GRIA1: variants seen among roughly 807,000 people sequenced by gnomAD.
GRIA1 encodes the protein glutamate receptor 1.
In GRIA1, 31 loss-of-function variants were observed where a neutral mutation model predicts 99.2. That is an observed-to-expected ratio of 0.31 (90% CI 0.23 to 0.42). GRIA1 has a LOEUF of 0.42. GRIA1 is among the 10% of genes least tolerant of loss of function. GRIA1 has a pLI of 1.00. For missense variants in GRIA1, 782 were observed against 1,157.5 expected (o/e 0.68, Z 4.71); for synonymous variants, 438 against 432.4 (o/e 1.01, Z -0.16).
intron 2 of GRIA1, among the ~76,000 whole-genome samples, chr5:153,630,281 A>G (rs1376753164): frequency 6.6e-6 from 1 of 151,972 alleles, no homozygotes; most frequent in Non-Finnish European, 1.5e-5. Flanking sequence ...CATCATCATC[A>G]TTTGTTGCCA....
intron 2 of GRIA1, among the ~76,000 whole-genome samples, chr5:153,559,223 A>T (rs1354075756): frequency 6.6e-6 from 1 of 152,166 alleles, no homozygotes; most frequent in Non-Finnish European, 1.5e-5. Context: ...AGCATCATTC[A>T]GACCTTCCCT....
chr5:153,727,683 C>T (rs369963947), intron 11 of GRIA1, among the ~76,000 whole-genome samples: 116 of 152,008 alleles, frequency 7.6e-4, no homozygotes, highest in Middle Eastern at 6.8e-3. Flanking sequence ...TTACAAGGGA[C>T]GTGAAGGACC....
chr5:153,737,698 G>A (rs1165516447), intron 11 of GRIA1, among the ~76,000 whole-genome samples: 1 of 152,104 alleles, frequency 6.6e-6, no homozygotes, highest in Non-Finnish European at 1.5e-5. Flanking sequence ...CGTATTTTCA[G>A]AATACAGTCA....
chr5:153,805,637 C>T (rs927184297), intron 15 of GRIA1, among the ~76,000 whole-genome samples: 1 of 152,158 alleles, frequency 6.6e-6, no homozygotes, highest in Non-Finnish European at 1.5e-5. Flanking sequence ...ATAACCAGTG[C>T]CAGGTGGTGG....
intron 2 of GRIA1, among the ~76,000 whole-genome samples, chr5:153,518,550 A>G (rs1484773656): frequency 6.6e-6 from 1 of 152,170 alleles, no homozygotes; most frequent in Non-Finnish European, 1.5e-5. Flanking sequence ...GGAAACTGAG[A>G]AGTCAGTAGT....
intron 10 of GRIA1, among the ~76,000 whole-genome samples, chr5:153,700,278 G>A (rs1581495518): frequency 6.6e-6 from 1 of 152,152 alleles, no homozygotes; most frequent in Non-Finnish European, 1.5e-5. Flanking sequence ...CCAGCTCCTT[G>A]GGAGGCTGAG....
chr5:153,711,408 G>A (rs1273253440), intron 11 of GRIA1, among the ~76,000 whole-genome samples: 1 of 152,170 alleles, frequency 6.6e-6, no homozygotes, highest in African/African-American at 2.4e-5. Context: ...AGAATTGACA[G>A]GACTTGCTGA....
At chr5:153,656,383 T>TTTTATATATATATATATA (rs769901040) in intron 5 of GRIA1, among the ~76,000 whole-genome samples, 1 of 92,680 alleles carries the variant, frequency 1.1e-5, no homozygotes, top group African/African-American at 4.2e-5. Flanking sequence ...ATAAGTTTGT[T>TTTTATATATATATATATA]TATATATATA....
chr5:153,677,021 G>C lies in GRIA1; in HGVS notation c.889G>C (p.Val297Leu). The stretch of plus-strand genomic sequence containing the variant: ...CACCTCTGCGCTCACCTACGATGGG[G>C]TGAAGGTGATGGCTGAGGCTTTCCA... ...KYTSALTYDG[V>L]KVMAEAFQSL... Residue 297 changes from valine to leucine, a missense_variant, in exon 7 of 16, where the codon GTG (valine) becomes CTG (leucine). Transcript: ENST00000285900. The C allele has an allele frequency of 6.5e-7, 1 of 1,548,668 alleles. No individual in the cohort carries two copies. The highest frequency in any genetic ancestry group is 8.8e-7 in the Non-Finnish European group (1 of 1,141,826).
At chr5:153,796,294 C>T (rs1490117070) in intron 14 of GRIA1, among the ~76,000 whole-genome samples, 8 of 152,202 alleles carry the variant, frequency 5.3e-5, no homozygotes, top group South Asian at 4.2e-4. Flanking sequence ...ATTCACATAC[C>T]ACCTGTGTCG....
intron 2 of GRIA1, among the ~76,000 whole-genome samples, chr5:153,559,878 G>A (rs553754930): frequency 2.3e-4 from 35 of 151,992 alleles, no homozygotes; most frequent in Admixed American, 1.7e-3. Context: ...CTACTTCCTT[G>A]AGTTCACTCC....
chr5:153,617,248 C>T (rs936517156), intron 2 of GRIA1, among the ~76,000 whole-genome samples: 2 of 152,294 alleles, frequency 1.3e-5, no homozygotes, highest in South Asian at 2.1e-4. Context: ...TGCTACGCTC[C>T]TGTTTTTAAG....
At chr5:153,663,709 G>T (rs1052707861) in intron 5 of GRIA1, among the ~76,000 whole-genome samples, 7 of 152,270 alleles carry the variant, frequency 4.6e-5, no homozygotes, top group Admixed American at 4.6e-4. Flanking sequence ...TTGGCATAAT[G>T]TTTTCAAAAG....
At chr5:153,568,800 T>C (rs892535966) in intron 2 of GRIA1, among the ~76,000 whole-genome samples, 3 of 152,182 alleles carry the variant, frequency 2.0e-5, no homozygotes, top group African/African-American at 7.2e-5. Context: ...TCATATGGCT[T>C]TTTCTTGTCT....
chr5:153,699,706 C>A (rs1758377046), intron 10 of GRIA1, among the ~76,000 whole-genome samples: 1 of 151,776 alleles, frequency 6.6e-6, no homozygotes, highest in African/African-American at 2.4e-5. Flanking sequence ...AATGGTTTAC[C>A]CTGCCTTATA....
chr5:153,655,016 T>C (rs894861723), intron 4 of GRIA1, among the ~76,000 whole-genome samples: 1 of 152,210 alleles, frequency 6.6e-6, no homozygotes, highest in Non-Finnish European at 1.5e-5. Context: ...AGGGTATTCA[T>C]TGACACTGGT....
At chr5:153,708,089 C>A (rs146767936) in intron 11 of GRIA1, among the ~76,000 whole-genome samples, 4 of 152,144 alleles carry the variant, frequency 2.6e-5, no homozygotes, top group Non-Finnish European at 4.4e-5. Context: ...TTCACAGAAC[C>A]TTTATGCTGT....
At chr5:153,625,506 A>G (rs888670040) in intron 2 of GRIA1, among the ~76,000 whole-genome samples, 25 of 152,302 alleles carry the variant, frequency 1.6e-4, no homozygotes, top group African/African-American at 5.5e-4. Context: ...GGATATGTTT[A>G]TATCAGAGCT....
chr5:153,540,455 T>C (rs914946362), intron 2 of GRIA1, among the ~76,000 whole-genome samples: 1 of 152,180 alleles, frequency 6.6e-6, no homozygotes, highest in Admixed American at 6.5e-5. Context: ...GACTAAAAAC[T>C]AAGTCTCAAC....
Sources: gnomAD v4.1 joint callset for allele counts (sites outside exome capture counted in the v4.1 genomes callset) on GRCh38, gnomAD v4.1.1 for gene constraint, MANE v1.5 for transcripts, NCBI Gene and HGNC (gene_info 2026-07-23, HGNC 2026-07-21) for gene names.